The following MYRIP variants were observed in gnomAD, a reference collection of about 807,000 sequenced individuals.
MYRIP encodes the protein myosin VIIA and Rab interacting protein.
Under a neutral mutation model 98.0 loss-of-function variants are expected in MYRIP, and 49 were observed. That is an observed-to-expected ratio of 0.50 (90% confidence interval 0.40 to 0.63). MYRIP has a LOEUF of 0.63. Ranked by LOEUF, MYRIP falls within the 30% of genes least tolerant of loss-of-function variation. The pLI, the probability that MYRIP is intolerant of heterozygous loss-of-function variation, is 0.00. For missense variants in MYRIP, 1,004 were observed against 1,058.2 expected, an observed-to-expected ratio of 0.95 and a Z score of 0.71; for synonymous variants, 404 against 409.5, an observed-to-expected ratio of 0.99 and a Z score of 0.16.
At chr3:40,116,645 G>A (rs1949288137) in intron 3 of MYRIP, among the ~76,000 whole-genome samples, 1 of 152,194 alleles carries the variant, frequency 6.6e-6, no homozygotes, top group African/African-American at 2.4e-5. Context: ...GGCACATTTT[G>A]AACCTGGAAG....
chr3:40,071,267 CAGAGA>C, intron 3 of MYRIP: 8 of 875,176 alleles, frequency 9.1e-6, no homozygotes, highest in African/African-American at 1.8e-5. Flanking sequence ...TGTGAGCCAT[CAGAGA>C]GATGGCTGGA....
chr3:39,832,850 T>G lies in MYRIP; in HGVS notation c.-31+22934T>G, dbSNP rs1232045419. 2.0e-5 allele frequency among the ~76,000 whole-genome samples: 3 copies of G among 152,334 alleles called. No homozygotes were observed. In the East Asian group the frequency reaches 5.8e-4, roughly 29 times the overall value. On this transcript the variant is annotated intron_variant, in intron 1 of 16. Coordinates refer to ENST00000302541, the MANE Select transcript of MYRIP (RefSeq NM_015460.4). ...TCTTTAGGAATATGTATCTTTATGT[T>G]CTTAGCCTTAGACCCAGTCATCTTA... is the stretch of plus-strand genomic sequence containing the variant.
chr3:40,156,882 A>C (rs1410776661), intron 4 of MYRIP, among the ~76,000 whole-genome samples: 6 of 151,528 alleles, frequency 4.0e-5, no homozygotes, highest in Admixed American at 3.9e-4. Flanking sequence ...TATCAGCTTA[A>C]GGAGATTTTG....
At chr3:40,256,725 T>C (rs1374160932) in intron 16 of MYRIP, among the ~76,000 whole-genome samples, 1 of 152,066 alleles carries the variant, frequency 6.6e-6, no homozygotes. Context: ...TAAAATTTAT[T>C]AAACCTTTCA....
chr3:40,018,006 G>T (rs149595989), intron 2 of MYRIP, among the ~76,000 whole-genome samples: 1 of 152,250 alleles, frequency 6.6e-6, no homozygotes, highest in African/African-American at 2.4e-5. Flanking sequence ...AGAGAATTGA[G>T]ACCTCTATGA....
intron 4 of MYRIP, among the ~76,000 whole-genome samples, chr3:40,155,798 A>G (rs1559424705): frequency 6.6e-6 from 1 of 151,944 alleles, no homozygotes; most frequent in Non-Finnish European, 1.5e-5. Flanking sequence ...TTCTTTTGAG[A>G]AGTGTCTGTT....
At chr3:39,847,319 G>A (rs997717123) in intron 1 of MYRIP, among the ~76,000 whole-genome samples, 2 of 152,174 alleles carry the variant, frequency 1.3e-5, no homozygotes, top group African/African-American at 4.8e-5. Flanking sequence ...ATACTGTGAT[G>A]TAAAGTTAAC....
At chr3:40,157,655 T>G (rs1269284426) in intron 4 of MYRIP, among the ~76,000 whole-genome samples, 11 of 149,170 alleles carry the variant, frequency 7.4e-5, no homozygotes, top group South Asian at 2.2e-4. Flanking sequence ...AGCTATTGAT[T>G]ATTGCCACAA....
chr3:40,036,302 C>CAAAAAAAAA (rs71091786), intron 2 of MYRIP, among the ~76,000 whole-genome samples: 2 of 64,270 alleles, frequency 3.1e-5, no homozygotes, highest in African/African-American at 5.7e-5. Flanking sequence ...CAACTGATAC[C>CAAAAAAAAA]AAAAAAAAAA....
chr3:40,159,070 A>C (rs1474277273), intron 4 of MYRIP, among the ~76,000 whole-genome samples: 3 of 150,438 alleles, frequency 2.0e-5, no homozygotes, highest in Non-Finnish European at 4.4e-5. Flanking sequence ...TCGTTAGTTG[A>C]TGCAGTTTCT....
chr3:40,081,855 A>AGGG (rs1206361039), intron 3 of MYRIP, among the ~76,000 whole-genome samples: 5 of 152,030 alleles, frequency 3.3e-5, no homozygotes, highest in Non-Finnish European at 7.4e-5. Context: ...TCTGCTAACC[A>AGGG]CCATTCTACT....
intron 1 of MYRIP, among the ~76,000 whole-genome samples, chr3:39,840,910 A>C (rs1453201462): frequency 6.6e-6 from 1 of 152,060 alleles, no homozygotes; most frequent in Non-Finnish European, 1.5e-5. Context: ...CCTTCATTTC[A>C]ACCTTGGAGA....
intron 8 of MYRIP, among the ~76,000 whole-genome samples, chr3:40,171,364 A>G (rs1287267845): frequency 6.6e-6 from 1 of 152,188 alleles, no homozygotes; most frequent in Admixed American, 6.5e-5. Context: ...ATCCTACTGG[A>G]TGGAGCAGGG....
chr3:39,887,390 G>A (rs1943337652), intron 1 of MYRIP, among the ~76,000 whole-genome samples: 1 of 152,004 alleles, frequency 6.6e-6, no homozygotes, highest in Non-Finnish European at 1.5e-5. Flanking sequence ...AAAAAATTAA[G>A]GAATCCAGGA....
At chr3:40,002,841 TCA>T (rs1435724084) in intron 2 of MYRIP, among the ~76,000 whole-genome samples, 2 of 152,202 alleles carry the variant, frequency 1.3e-5, no homozygotes, top group Admixed American at 1.3e-4. Flanking sequence ...ATATATACAC[TCA>T]CACAATCTTT....
chr3:39,915,199 A>G (rs1944123599), intron 2 of MYRIP, among the ~76,000 whole-genome samples: 1 of 152,128 alleles, frequency 6.6e-6, no homozygotes, highest in African/African-American at 2.4e-5. Flanking sequence ...CTCGTCCTCC[A>G]ACATATCCAT....
At chr3:40,199,818 T>C (rs928762343) in intron 10 of MYRIP, among the ~76,000 whole-genome samples, 10 of 151,854 alleles carry the variant, frequency 6.6e-5, no homozygotes, top group African/African-American at 2.4e-4. Context: ...CCCACAAAAA[T>C]AAAAATAAAG....
chr3:39,878,750 A>T (rs577834235), intron 1 of MYRIP, among the ~76,000 whole-genome samples: 5 of 152,132 alleles, frequency 3.3e-5, no homozygotes, highest in Non-Finnish European at 5.9e-5. Flanking sequence ...GAAAAATACT[A>T]CAACTTCTTT....
At chr3:39,814,566 C>T (rs1008308556) in intron 1 of MYRIP, among the ~76,000 whole-genome samples, 10 of 152,110 alleles carry the variant, frequency 6.6e-5, no homozygotes, top group Admixed American at 1.3e-4. Context: ...TTACTATTTT[C>T]TCACTTATTT....
Sources: allele counts gnomAD v4.1 joint callset (sites outside exome capture counted in the v4.1 genomes callset), GRCh38; gene constraint gnomAD v4.1.1; transcripts MANE v1.5; gene names NCBI Gene and HGNC (gene_info 2026-07-23, HGNC 2026-07-21).